Variants in MAF observed in about 807,000 individuals in gnomAD.
MAF encodes the protein transcription factor Maf.
MAF carries 10 observed loss-of-function variants against 22.0 expected under a neutral mutation model. The observed-to-expected ratio is 0.45, with a 90% CI of 0.28 to 0.77. The LOEUF (loss-of-function observed/expected upper bound fraction) is 0.77. Ranked by LOEUF, MAF falls within the 30% of genes least tolerant of loss-of-function variation. The pLI, the probability that MAF is intolerant of heterozygous loss-of-function variation, is 0.12. For synonymous variants in MAF, 337 were observed against 255.8 expected (o/e 1.32, Z -3.03); for missense variants, 544 against 548.4 (o/e 0.99, Z 0.08).
the MAF span, among the ~76,000 whole-genome samples, chr16:79,293,966 G>C: frequency 6.6e-6 from 1 of 152,130 alleles, no homozygotes; most frequent in South Asian, 2.1e-4. Flanking sequence ...CTGCCTGGAT[G>C]GGGCCCAGTG....
chr16:79,547,867 TGTGTGTGTGTGTGC>T, the MAF span, among the ~76,000 whole-genome samples: 3 of 139,202 alleles, frequency 2.2e-5, no homozygotes, highest in Non-Finnish European at 4.6e-5. Context: ...ACTATCTCCT[TGTGTGTGTGTGTGC>T]GTGTGTGTGT....
At chr16:79,427,043 T>A in the MAF span, among the ~76,000 whole-genome samples, 1 of 152,160 alleles carries the variant, frequency 6.6e-6, no homozygotes, top group Non-Finnish European at 1.5e-5. Flanking sequence ...TTGAACCATA[T>A]CTCCATTGCT....
chr16:79,549,377 G>C, the MAF span, among the ~76,000 whole-genome samples: 5 of 152,166 alleles, frequency 3.3e-5, no homozygotes, highest in Non-Finnish European at 4.4e-5. Flanking sequence ...TCCAGGCTGG[G>C]ATAGAACACC....
chr16:79,434,695 T>C, the MAF span, among the ~76,000 whole-genome samples: 1 of 151,954 alleles, frequency 6.6e-6, no homozygotes, highest in African/African-American at 2.4e-5. Flanking sequence ...ACAGTTTTAA[T>C]AGAGAACATC....
At chr16:79,429,534 A>G in the MAF span, among the ~76,000 whole-genome samples, 1 of 152,160 alleles carries the variant, frequency 6.6e-6, no homozygotes, top group Non-Finnish European at 1.5e-5. Flanking sequence ...GAAGCAGCAG[A>G]GAGAGGGAGG....
chr16:79,223,146 G>C, the MAF span, among the ~76,000 whole-genome samples: 3 of 151,834 alleles, frequency 2.0e-5, no homozygotes, highest in Non-Finnish European at 2.9e-5. Flanking sequence ...AAATGCAAAA[G>C]AACGGACAAC....
chr16:79,333,268 T>G, the MAF span, among the ~76,000 whole-genome samples: 1 of 152,168 alleles, frequency 6.6e-6, no homozygotes, highest in Non-Finnish European at 1.5e-5. Context: ...GAGGCCTGTT[T>G]GCCTTTGTGG....
the MAF span, among the ~76,000 whole-genome samples, chr16:79,327,748 T>C: frequency 6.6e-6 from 1 of 152,212 alleles, no homozygotes; most frequent in African/African-American, 2.4e-5. Flanking sequence ...CCGCTTTATC[T>C]CTTTTAATCT....
At chr16:79,413,529 G>C in the MAF span, among the ~76,000 whole-genome samples, 1 of 151,354 alleles carries the variant, frequency 6.6e-6, no homozygotes, top group Non-Finnish European at 1.5e-5. Flanking sequence ...CACCGCGCCC[G>C]GCCGAGCTGT....
At chr16:79,268,168 G>C in the MAF span, among the ~76,000 whole-genome samples, 2 of 152,100 alleles carry the variant, frequency 1.3e-5, no homozygotes, top group African/African-American at 2.4e-5. Context: ...CATGACCATG[G>C]GGTGTGGACA....
the MAF span, among the ~76,000 whole-genome samples, chr16:79,515,364 C>A: frequency 6.6e-6 from 1 of 152,190 alleles, no homozygotes; most frequent in African/African-American, 2.4e-5. Context: ...GACACACATT[C>A]AGTAGAAACT....
chr16:79,450,070 T>C, the MAF span, among the ~76,000 whole-genome samples: 1 of 152,238 alleles, frequency 6.6e-6, no homozygotes, highest in African/African-American at 2.4e-5. Flanking sequence ...TTCCATAGTA[T>C]TCCCTTATTA....
At chr16:79,512,633 G>A in the MAF span, among the ~76,000 whole-genome samples, 1 of 152,174 alleles carries the variant, frequency 6.6e-6, no homozygotes, top group African/African-American at 2.4e-5. Flanking sequence ...GAAGGTGAGG[G>A]TGTGCCGTTT....
the MAF span, among the ~76,000 whole-genome samples, chr16:79,465,165 G>A: frequency 7.9e-5 from 12 of 152,184 alleles, no homozygotes; most frequent in African/African-American, 2.9e-4. Context: ...TCCCCTCAAT[G>A]CTGACAATAC....
At chr16:79,211,916 AAG>A in the MAF span, 18 of 1,545,562 alleles carry the variant, frequency 1.2e-5, no homozygotes, top group Admixed American at 2.0e-5. Flanking sequence ...TAAAGGAAAT[AAG>A]AGCAGTCACA....
the MAF span, among the ~76,000 whole-genome samples, chr16:79,475,963 G>A: frequency 3.3e-5 from 5 of 152,164 alleles, no homozygotes; most frequent in African/African-American, 1.2e-4. Context: ...TAGAAAAGGT[G>A]CAGGGATATT....
At chr16:79,448,416 T>C in the MAF span, among the ~76,000 whole-genome samples, 543 of 151,816 alleles carry the variant, frequency 3.6e-3, 2 homozygotes, top group African/African-American at 0.013. Flanking sequence ...ATTTTTGTTT[T>C]GTTTTATTTG....
chr16:79,375,342 A>G, the MAF span, among the ~76,000 whole-genome samples: 1 of 152,176 alleles, frequency 6.6e-6, no homozygotes, highest in Non-Finnish European at 1.5e-5. Context: ...CTAAAGTTCC[A>G]CATTGTTGTT....
the MAF span, among the ~76,000 whole-genome samples, chr16:79,313,280 C>T: frequency 6.6e-6 from 1 of 152,088 alleles, no homozygotes; most frequent in Admixed American, 6.5e-5. Context: ...ATTTTTTCTG[C>T]ACAGCAGAAG....
Sources: allele counts gnomAD v4.1 joint callset (sites outside exome capture counted in the v4.1 genomes callset), GRCh38; gene constraint gnomAD v4.1.1; transcripts MANE v1.5; gene names NCBI Gene and HGNC (gene_info 2026-07-23, HGNC 2026-07-21).